The following EXOC6B variants were observed in gnomAD, a reference collection of about 807,000 sequenced individuals.
EXOC6B encodes the protein exocyst complex component 6B, also known as SEC15 homolog B.
Under a neutral mutation model 113.5 loss-of-function variants are expected in EXOC6B, and 54 were observed. The observed-to-expected ratio is 0.48, with a 90% CI of 0.38 to 0.60. The LOEUF (loss-of-function observed/expected upper bound fraction) is 0.60. Among genes scored for constraint, EXOC6B ranks in the 20% least tolerant of loss-of-function variants. The pLI is 0.00. For synonymous variants in EXOC6B, 357 were observed against 339.0 expected (o/e 1.05, Z -0.58); for missense variants, 797 against 977.5 (o/e 0.82, Z 2.46).
chr2:72,319,859 G>T lies in EXOC6B; in HGVS notation c.2196+15088C>A, dbSNP rs557894407. Reference sequence around the variant, plus strand: ...CAGCAAGCTTTTTTTTTTTTGAGACGAAGTCTCGCTCTGTCGCCCAGGCTG... The same window carrying T: ...CAGCAAGCTTTTTTTTTTTTGAGACTAAGTCTCGCTCTGTCGCCCAGGCTG... On this transcript the variant is annotated intron_variant, in intron 20 of 21. Coordinates refer to ENST00000272427, the MANE Select transcript of EXOC6B (RefSeq NM_015189.3). 1.2e-4 allele frequency among the ~76,000 whole-genome samples: 18 copies of T among 150,302 alleles called. 1 individual carries two copies. Among genetic ancestry groups the T allele is most frequent in the African/African-American group, 4.2e-4 (17 of 40,854 alleles).
At chr2:72,267,881 A>G (rs573073682) in intron 20 of EXOC6B, among the ~76,000 whole-genome samples, 1 of 152,322 alleles carries the variant, frequency 6.6e-6, no homozygotes, top group South Asian at 2.1e-4. Flanking sequence ...AAATGACTCA[A>G]TGAAATCAGT....
At chr2:72,346,483 A>G (rs1353417272) in intron 19 of EXOC6B, among the ~76,000 whole-genome samples, 1 of 152,214 alleles carries the variant, frequency 6.6e-6, no homozygotes, top group Non-Finnish European at 1.5e-5. Context: ...GTCTTGCCTA[A>G]CATATAAGAA....
At chr2:72,551,356 C>T (rs1335326536) in intron 8 of EXOC6B, among the ~76,000 whole-genome samples, 1 of 151,604 alleles carries the variant, frequency 6.6e-6, no homozygotes, top group African/African-American at 2.4e-5. Context: ...TGCCACCACA[C>T]CCAGCTAATT....
chr2:72,746,630 G>A (rs1432218766), intron 1 of EXOC6B, among the ~76,000 whole-genome samples: 1 of 151,954 alleles, frequency 6.6e-6, no homozygotes, highest in East Asian at 1.9e-4. Context: ...CACTTGCTTA[G>A]AGCCTATATT....
intron 6 of EXOC6B, among the ~76,000 whole-genome samples, chr2:72,697,719 C>T (rs1373725009): frequency 6.6e-6 from 1 of 152,138 alleles, no homozygotes; most frequent in Admixed American, 6.5e-5. Flanking sequence ...AAATTCCTAA[C>T]TATGCCAGAA....
chr2:72,649,482 C>T (rs564022021), intron 6 of EXOC6B, among the ~76,000 whole-genome samples: 3 of 151,896 alleles, frequency 2.0e-5, no homozygotes, highest in African/African-American at 4.8e-5. Flanking sequence ...AATATATGCA[C>T]CTACTATATG....
At chr2:72,360,476 G>T (rs188718307) in intron 19 of EXOC6B, among the ~76,000 whole-genome samples, 5 of 149,186 alleles carry the variant, frequency 3.4e-5, no homozygotes, top group Admixed American at 6.6e-5. Flanking sequence ...TTATAATTAA[G>T]GTATTATCTT....
chr2:72,554,871 C>T (rs1703445316), intron 8 of EXOC6B, among the ~76,000 whole-genome samples: 1 of 152,120 alleles, frequency 6.6e-6, no homozygotes, highest in Admixed American at 6.5e-5. Flanking sequence ...TCGTCATTTA[C>T]ATTAGGTATT....
At chr2:72,817,262 T>C (rs1354981222) in intron 1 of EXOC6B, among the ~76,000 whole-genome samples, 1 of 152,240 alleles carries the variant, frequency 6.6e-6, no homozygotes, top group Admixed American at 6.5e-5. Context: ...TGACAGGCTT[T>C]TTAAAAATTA....
intron 20 of EXOC6B, among the ~76,000 whole-genome samples, chr2:72,292,172 AGT>A (rs58303616): frequency 0.083 from 11,565 of 138,968 alleles, 491 homozygotes; most frequent in South Asian, 0.12. Flanking sequence ...TCCAGAAGTA[AGT>A]GTGTGTGTGT....
At chr2:72,623,812 A>G (rs1671886986) in intron 6 of EXOC6B, among the ~76,000 whole-genome samples, 1 of 152,224 alleles carries the variant, frequency 6.6e-6, no homozygotes, top group Non-Finnish European at 1.5e-5. Context: ...CCAAAAAGCA[A>G]CACAACTTTG....
intron 6 of EXOC6B, among the ~76,000 whole-genome samples, chr2:72,631,817 C>A (rs780101914): frequency 9.2e-5 from 14 of 152,038 alleles, no homozygotes; most frequent in Non-Finnish European, 1.6e-4. Context: ...CCCATCCAAT[C>A]ATAACGCTTA....
At chr2:72,721,364 T>TTA (rs772801545) in intron 5 of EXOC6B, among the ~76,000 whole-genome samples, 65 of 28,498 alleles carry the variant, frequency 2.3e-3, no homozygotes, top group African/African-American at 0.014. Flanking sequence ...GTTGTTTTTG[T>TTA]AAAAAAAAAA....
chr2:72,786,996 T>C (rs1246277577), intron 1 of EXOC6B, among the ~76,000 whole-genome samples: 2 of 151,976 alleles, frequency 1.3e-5, no homozygotes, highest in African/African-American at 4.8e-5. Flanking sequence ...CTATAGGAAC[T>C]AAGAAAAAAC....
intron 18 of EXOC6B, among the ~76,000 whole-genome samples, chr2:72,450,044 G>T (rs189973960): frequency 3.3e-5 from 5 of 152,184 alleles, no homozygotes. Context: ...ATTAATAAGG[G>T]TCAGGAACAA....
intron 11 of EXOC6B, among the ~76,000 whole-genome samples, chr2:72,512,266 T>G (rs1394428979): frequency 6.6e-5 from 10 of 151,696 alleles, no homozygotes. Context: ...TCTATCTTGT[T>G]CATTGTCATA....
At chr2:72,294,968 C>A (rs1007672148) in intron 20 of EXOC6B, among the ~76,000 whole-genome samples, 1 of 152,056 alleles carries the variant, frequency 6.6e-6, no homozygotes, top group Non-Finnish European at 1.5e-5. Context: ...TGGGGTGGCT[C>A]ACGCCTGTAA....
intron 1 of EXOC6B, among the ~76,000 whole-genome samples, chr2:72,781,887 C>G (rs1220100467): frequency 6.6e-6 from 1 of 151,706 alleles, no homozygotes; most frequent in Non-Finnish European, 1.5e-5. Context: ...ACTTGTAATC[C>G]CAGAACTTTG....
At chr2:72,687,818 C>T (rs1677196685) in intron 6 of EXOC6B, among the ~76,000 whole-genome samples, 1 of 152,120 alleles carries the variant, frequency 6.6e-6, no homozygotes, top group Admixed American at 6.5e-5. Flanking sequence ...AAAGCATCTC[C>T]TGACTGGCAC....
Sources: allele counts gnomAD v4.1 joint callset (sites outside exome capture counted in the v4.1 genomes callset), GRCh38; gene constraint gnomAD v4.1.1; transcripts MANE v1.5; gene names NCBI Gene and HGNC (gene_info 2026-07-23, HGNC 2026-07-21).